The following ITPR2 variants were observed in gnomAD, a reference collection of about 807,000 sequenced individuals.
ITPR2 encodes the protein inositol 1,4,5-trisphosphate receptor type 2.
A neutral mutation model predicts 317.1 loss-of-function variants in ITPR2; 207 were observed. The ratio of observed to expected loss-of-function variants is 0.65; its 90% CI spans 0.58 to 0.73. The LOEUF is 0.73. ITPR2 is among the 30% of genes least tolerant of loss of function. ITPR2 has a pLI of 0.00. For synonymous variants in ITPR2, 1,156 were observed against 1,149.1 expected (o/e 1.01, Z -0.12); for missense variants, 2,613 against 3,284.0 (o/e 0.80, Z 4.99).
At chr12:26,620,682 G>C (rs534060286) in intron 26 of ITPR2, among the ~76,000 whole-genome samples, 1 of 152,212 alleles carries the variant, frequency 6.6e-6, no homozygotes, top group East Asian at 1.9e-4. Flanking sequence ...AAAGCATATT[G>C]GTCTTCCATT....
chr12:26,565,475 A>C (rs1190159202), intron 34 of ITPR2, among the ~76,000 whole-genome samples: 2 of 149,858 alleles, frequency 1.3e-5, no homozygotes, highest in Admixed American at 6.7e-5. Flanking sequence ...GGATGAATAG[A>C]TAGACAGATG....
At chr12:26,775,959 T>TATATATATATATATATACACA (rs1263788006) in intron 2 of ITPR2, among the ~76,000 whole-genome samples, 14 of 145,142 alleles carry the variant, frequency 9.6e-5, no homozygotes, top group South Asian at 2.2e-4. Context: ...TATATGTATA[T>TATATATATATATATATACACA]CCTATTAGTT....
At chr12:26,827,719 A>G (rs1164298086) in intron 1 of ITPR2, among the ~76,000 whole-genome samples, 2 of 152,242 alleles carry the variant, frequency 1.3e-5, no homozygotes. Flanking sequence ...CTCAGTTCTC[A>G]TTAAACACCT....
At chr12:26,639,106 A>G (rs1290085778) in intron 21 of ITPR2, among the ~76,000 whole-genome samples, 2 of 152,168 alleles carry the variant, frequency 1.3e-5, no homozygotes, top group Admixed American at 1.3e-4. Flanking sequence ...GAACTGCTAC[A>G]GGAATTGCAT....
chr12:26,495,187 A>G lies in ITPR2; in HGVS notation c.5147T>C (p.Leu1716Pro). Reference protein sequence around the residue: ...GDYSIGVNGHLSGAYSKTAQV... With the variant: ...GDYSIGVNGHPSGAYSKTAQV... ...TGCAGTTTTGGAGTAGGCTCCTGATAGGTGTCCATTCACACCAATACTATA... is the reference window on the plus strand; with the variant it reads ...TGCAGTTTTGGAGTAGGCTCCTGATGGGTGTCCATTCACACCAATACTATA... Residue 1716 changes from leucine (L) to proline (P), a missense_variant, in exon 38 of 57, where the codon CTA becomes CCA. Leu to Pro is a moderately conservative substitution (Grantham distance 98, BLOSUM62 -3). Transcript: ENST00000381340. 1 of 1,608,168 alleles carries G rather than the reference A, an allele frequency of 6.2e-7. No homozygotes were observed. Among genetic ancestry groups the G allele is most frequent in the Non-Finnish European group, 8.5e-7 (1 of 1,174,520 alleles).
intron 10 of ITPR2, among the ~76,000 whole-genome samples, chr12:26,692,602 T>C (rs1277158070): frequency 6.6e-6 from 1 of 152,116 alleles, no homozygotes; most frequent in Non-Finnish European, 1.5e-5. Flanking sequence ...GGTTCCAATG[T>C]TTACAGGGTC....
In ITPR2 at chr12:26,718,115, G is replaced by A. The variant is rs1302128696; in HGVS notation, c.526-1873C>T. On this transcript the variant is annotated intron_variant, in intron 5 of 56. Transcript: ENST00000381340. ...CAAAAAAACAAAACAGAATACATGT[G>A]CAGAACGTGCAGGTTTGTTACATAG... 4.3e-4 allele frequency among the ~76,000 whole-genome samples: 65 copies of A among 152,112 alleles called. 2 individuals are homozygous for A. Among genetic ancestry groups the A allele is most frequent in the Admixed American group, 4.3e-3 (65 of 15,274 alleles).
At chr12:26,569,058 C>G (rs1945085826) in intron 34 of ITPR2, among the ~76,000 whole-genome samples, 1 of 152,010 alleles carries the variant, frequency 6.6e-6, no homozygotes, top group African/African-American at 2.4e-5. Flanking sequence ...AAATGTATCC[C>G]AGATAGCTCA....
At chr12:26,783,565 A>G (rs530894421) in intron 2 of ITPR2, among the ~76,000 whole-genome samples, 33 of 152,230 alleles carry the variant, frequency 2.2e-4, no homozygotes, top group Non-Finnish European at 4.0e-4. Context: ...TACTAAGAAG[A>G]GTTTTCTAGA....
intron 52 of ITPR2, among the ~76,000 whole-genome samples, chr12:26,408,554 C>T (rs1283196520): frequency 4.6e-5 from 7 of 152,052 alleles, no homozygotes; most frequent in Non-Finnish European, 8.8e-5. Flanking sequence ...CCTGGAAGAC[C>T]TCATTCTAGG....
intron 1 of ITPR2, among the ~76,000 whole-genome samples, chr12:26,791,263 G>A (rs1031375897): frequency 6.6e-6 from 1 of 152,056 alleles, no homozygotes; most frequent in South Asian, 2.1e-4. Context: ...CATTGGTTAC[G>A]TGGTGTGAAT....
chr12:26,686,668 C>T (rs780148722), intron 10 of ITPR2, 36 bp from the exon 11 acceptor site: 9 of 1,560,208 alleles, frequency 5.8e-6, no homozygotes, highest in Admixed American at 3.7e-5. Context: ...ACTTTTATCA[C>T]GTTTCTTGCT....
At chr12:26,556,161 G>T in intron 36 of ITPR2, 72 bp downstream of exon 36, 1 of 1,474,050 alleles carries the variant, frequency 6.8e-7, no homozygotes. Context: ...TATCAGTGAA[G>T]TATAAAGCGG....
intron 45 of ITPR2, among the ~76,000 whole-genome samples, chr12:26,451,410 G>A (rs937760804): frequency 2.6e-4 from 28 of 109,446 alleles, no homozygotes; most frequent in African/African-American, 1.3e-3. Flanking sequence ...CACACACACG[G>A]AAAGTAAGGA....
intron 25 of ITPR2, 34 bp downstream of exon 25, chr12:26,622,206 T>G (rs757251834): frequency 6.3e-7 from 1 of 1,578,664 alleles, no homozygotes; most frequent in South Asian, 1.2e-5. Context: ...TCAGAGCTTT[T>G]GCTGTGGATG....
intron 21 of ITPR2, among the ~76,000 whole-genome samples, chr12:26,651,816 C>T (rs1170681872): frequency 6.6e-6 from 1 of 152,164 alleles, no homozygotes; most frequent in African/African-American, 2.4e-5. Flanking sequence ...TAAAATTTGG[C>T]TTTTGGTAGA....
At chr12:26,567,810 T>A (rs1404341849) in intron 34 of ITPR2, among the ~76,000 whole-genome samples, 1 of 150,842 alleles carries the variant, frequency 6.6e-6, no homozygotes, top group Non-Finnish European at 1.5e-5. Context: ...AAATTATGTC[T>A]AAAAAATGAA....
chr12:26,690,798 T>C (rs766138418), intron 10 of ITPR2, among the ~76,000 whole-genome samples: 13 of 152,116 alleles, frequency 8.5e-5, no homozygotes, highest in Non-Finnish European at 1.6e-4. Flanking sequence ...CAGAAAAAAC[T>C]CACCAGTTAG....
chr12:26,496,999 G>A (rs1199567271), intron 37 of ITPR2, among the ~76,000 whole-genome samples: 1 of 150,954 alleles, frequency 6.6e-6, no homozygotes, highest in Non-Finnish European at 1.5e-5. Flanking sequence ...CCAAATTTAA[G>A]GGATCACCTA....
Sources: gnomAD v4.1 joint callset for allele counts (sites outside exome capture counted in the v4.1 genomes callset) on GRCh38, gnomAD v4.1.1 for gene constraint, MANE v1.5 for transcripts, NCBI Gene and HGNC (gene_info 2026-07-23, HGNC 2026-07-21) for gene names.